Variants in TRIM9 observed in about 807,000 individuals in gnomAD.
The protein encoded by TRIM9 is E3 ubiquitin-protein ligase TRIM9.
A neutral mutation model predicts 78.3 loss-of-function variants in TRIM9; 26 were observed. The ratio of observed to expected loss-of-function variants is 0.33; its 90% confidence interval spans 0.24 to 0.46. The LOEUF is 0.46. Among genes scored for constraint, TRIM9 ranks in the 20% least tolerant of loss-of-function variants. The pLI, the probability that TRIM9 is intolerant of heterozygous loss-of-function variation, is 1.00. For missense variants in TRIM9, 787 were observed against 1,036.4 expected (o/e 0.76, Z 3.30); for synonymous variants, 398 against 416.5 (o/e 0.96, Z 0.54).
intron 1 of TRIM9, among the ~76,000 whole-genome samples, chr14:51,046,797 A>G (rs2140032758): frequency 6.6e-6 from 1 of 152,354 alleles, no homozygotes; most frequent in Non-Finnish European, 1.5e-5. Flanking sequence ...GTAAAGTGGA[A>G]TAACAACAGG....
intron 3 of TRIM9, among the ~76,000 whole-genome samples, chr14:51,013,903 A>G (rs2056860599): frequency 6.6e-6 from 1 of 152,206 alleles, no homozygotes; most frequent in South Asian, 2.1e-4. Flanking sequence ...ATGAGGCTGA[A>G]CTAACTTGTT....
At chr14:51,049,184 C>G (rs2060192194) in intron 1 of TRIM9, among the ~76,000 whole-genome samples, 1 of 152,114 alleles carries the variant, frequency 6.6e-6, no homozygotes, top group African/African-American at 2.4e-5. Context: ...GCCTCAGCCT[C>G]CTGAGTAGCT....
intron 3 of TRIM9, among the ~76,000 whole-genome samples, chr14:51,017,618 A>G (rs1177459294): frequency 6.6e-6 from 1 of 152,370 alleles, no homozygotes; most frequent in East Asian, 1.9e-4. Context: ...GTGGGTTGCA[A>G]TAAGAGTGAA....
At chr14:51,090,996 T>C (rs116602579) in intron 1 of TRIM9, 1 of 152,220 alleles carries the variant, frequency 6.6e-6, no homozygotes, top group Non-Finnish European at 1.5e-5. Flanking sequence ...GTGGTTTCTA[T>C]TGCCCATTTT....
intron 1 of TRIM9, among the ~76,000 whole-genome samples, chr14:51,028,874 T>G (rs2058483355): frequency 6.6e-6 from 1 of 152,096 alleles, no homozygotes; most frequent in Non-Finnish European, 1.5e-5. Context: ...AACAAAGAAC[T>G]CTGCCTCCTC....
chr14:51,042,344 C>T (rs2059636253), intron 1 of TRIM9, among the ~76,000 whole-genome samples: 1 of 152,180 alleles, frequency 6.6e-6, no homozygotes, highest in Admixed American at 6.5e-5. Flanking sequence ...GTCTCCTCTT[C>T]CTTCCTCCTC....
At chr14:51,075,291 G>A (rs1049320165) in intron 1 of TRIM9, among the ~76,000 whole-genome samples, 5 of 152,070 alleles carry the variant, frequency 3.3e-5, no homozygotes, top group African/African-American at 9.7e-5. Flanking sequence ...CCTACTCCAC[G>A]TTAATGTTCT....
chr14:51,069,532 T>C (rs1164636486), intron 1 of TRIM9, among the ~76,000 whole-genome samples: 1 of 152,234 alleles, frequency 6.6e-6, no homozygotes, highest in Admixed American at 6.5e-5. Context: ...TGCTCTAGGC[T>C]GCACTGAGAA....
chr14:51,001,545 T>A (rs1183000663), intron 5 of TRIM9, among the ~76,000 whole-genome samples: 1 of 152,196 alleles, frequency 6.6e-6, no homozygotes, highest in Non-Finnish European at 1.5e-5. Flanking sequence ...CTAATAATTT[T>A]ATCATAAAAC....
intron 3 of TRIM9, among the ~76,000 whole-genome samples, chr14:51,018,072 T>G (rs910939853): frequency 2.5e-4 from 38 of 152,328 alleles, no homozygotes; most frequent in African/African-American, 8.9e-4. Flanking sequence ...TGAGGGCAGT[T>G]GAAAGCTTCA....
intron 1 of TRIM9, among the ~76,000 whole-genome samples, chr14:51,035,209 CT>C (rs916792585): frequency 1.3e-5 from 2 of 152,010 alleles, no homozygotes; most frequent in African/African-American, 4.8e-5. Context: ...AAATTCAGGG[CT>C]TTTTTTCTTC....
In TRIM9 at chr14:50,979,541, C is replaced by A. The variant is rs1046089753; in HGVS notation, c.2171G>T (p.Gly724Val). 6.2e-7 allele frequency: 1 copy of A among 1,613,702 alleles called. No homozygotes were observed. Among genetic ancestry groups the A allele is most frequent in the Admixed American group, 1.7e-5 (1 of 59,920 alleles). ...AATTGTGGCCCCTTTTGTGATCCCT[C>A]CCTCAGTTCTGTAGGAAAAGAGAAA... ...HNNSHTNRTE[G>V]GITKGATIGV... is the part of the protein sequence containing the mutation. The change falls in exon 12 of 13, where the codon GGA becomes GTA. Residue 724 changes from glycine (G) to valine (V), a missense_variant. Coordinates refer to ENST00000684578, the MANE Select transcript of TRIM9 (RefSeq NM_001387360.1).
intron 1 of TRIM9, among the ~76,000 whole-genome samples, chr14:51,040,556 G>A (rs904794408): frequency 1.3e-5 from 2 of 152,218 alleles, no homozygotes; most frequent in Non-Finnish European, 2.9e-5. Context: ...TGGACAACAT[G>A]TATCCTCTGC....
intron 1 of TRIM9, among the ~76,000 whole-genome samples, chr14:51,053,596 T>TTTTTTTTTTTTTTTTTTTA (rs2060637244): frequency 1.8e-5 from 1 of 56,460 alleles, no homozygotes; most frequent in Non-Finnish European, 4.1e-5. Context: ...TTTTTTTTAA[T>TTTTTTTTTTTTTTTTTTTA]TTTTTTTTTT....
intron 4 of TRIM9, among the ~76,000 whole-genome samples, chr14:51,009,971 G>T (rs1444684689): frequency 6.6e-6 from 1 of 152,110 alleles, no homozygotes; most frequent in East Asian, 1.9e-4. Context: ...TGTCAAGAAG[G>T]TAGACATCTT....
intron 3 of TRIM9, among the ~76,000 whole-genome samples, chr14:51,015,388 C>A (rs2057051019): frequency 1.3e-5 from 2 of 152,032 alleles, no homozygotes; most frequent in Admixed American, 1.3e-4. Context: ...CATGCTTAAC[C>A]CAACCATGAC....
intron 9 of TRIM9, 110 bp from the exon 10 acceptor site, chr14:50,983,075 T>A (rs964173086): frequency 9.5e-7 from 1 of 1,054,650 alleles, no homozygotes; most frequent in Non-Finnish European, 1.4e-6. Context: ...AGGACTCAAT[T>A]TAAAATGCCA....
chr14:51,069,950 T>G (rs1375429672), intron 1 of TRIM9, among the ~76,000 whole-genome samples: 1 of 152,254 alleles, frequency 6.6e-6, no homozygotes, highest in African/African-American at 2.4e-5. Context: ...CTCACAGCAC[T>G]TTCATGGTCA....
chr14:51,009,018 G>A (rs2056220554), intron 5 of TRIM9, 62 bp downstream of exon 5: 2 of 1,559,558 alleles, frequency 1.3e-6, no homozygotes, highest in Admixed American at 3.4e-5. Flanking sequence ...TACTGATCCT[G>A]CTTCAAGCAC....
Sources: gnomAD v4.1 joint callset for allele counts (sites outside exome capture counted in the v4.1 genomes callset) on GRCh38, gnomAD v4.1.1 for gene constraint, MANE v1.5 for transcripts, NCBI Gene and HGNC (gene_info 2026-07-23, HGNC 2026-07-21) for gene names.